C5: variants seen among roughly 807,000 people sequenced by gnomAD.
C5 encodes the protein complement C5.
A neutral mutation model predicts 218.8 loss-of-function variants in C5; 140 were observed. The ratio of observed to expected loss-of-function variants is 0.64; its 90% CI spans 0.56 to 0.74. The LOEUF (loss-of-function observed/expected upper bound fraction) is 0.74, where lower values mean the gene tolerates loss of function less well. C5 is among the 30% of genes least tolerant of loss of function. C5 has a pLI of 0.00. For missense variants in C5, 1,700 were observed against 1,969.6 expected, an observed-to-expected ratio of 0.86 and a Z score of 2.59; for synonymous variants, 614 against 682.3, an observed-to-expected ratio of 0.90 and a Z score of 1.56.
rs1564149190 is a variant in C5 at position 121,008,389 on chromosome 9, C to T, written c.2348+19G>A. 2.5e-6 allele frequency: 4 copies of T among 1,573,896 alleles called. No individual in the cohort carries two copies. Among genetic ancestry groups the T allele is most frequent in the Non-Finnish European group, 3.5e-6 (4 of 1,143,672 alleles). The stretch of plus-strand genomic sequence containing the variant: ...ATTATCCACATTTCTTTCAAGGAAA[C>T]ATGAAAGAAGTATAATACCTTCTGG... On this transcript the variant is annotated intron_variant, in intron 18 of 40. Coordinates refer to ENST00000223642, the MANE Select transcript of C5 (RefSeq NM_001735.3).
chr9:120,963,664 A>C lies in C5; in HGVS notation c.4295T>G (p.Ile1432Ser), dbSNP rs1346059142. Residue 1432 changes from isoleucine (I) to serine (S), a missense_variant, in exon 34 of 41, where the codon ATC becomes AGC. Coordinates refer to ENST00000223642, the MANE Select transcript of C5 (RefSeq NM_001735.3). ...AVMDISLPTG[I>S]SANEEDLKAL... Reference sequence around the variant, plus strand: ...TTTTAAGTCTTCTTCATTTGCACTGATTCCAGTAGGCAAGGAGATGTCCAT... The same window carrying C: ...TTTTAAGTCTTCTTCATTTGCACTGCTTCCAGTAGGCAAGGAGATGTCCAT... 2 of 1,613,748 alleles carry C rather than the reference A, an allele frequency of 1.2e-6. No individual in the cohort carries two copies. The highest frequency in any genetic ancestry group is 3.3e-5 in the Admixed American group (2 of 60,018).
chr9:121,013,743 TGGAC>T, intron 17 of C5, 126 bp downstream of exon 17: 1 of 864,976 alleles, frequency 1.2e-6, no homozygotes, highest in Non-Finnish European at 1.8e-6. Flanking sequence ...TTTTTTCTTA[TGGAC>T]ATTTACAAGT....
In C5 at chr9:120,969,136, A is replaced by G. The variant is rs2046891435; in HGVS notation, c.4163-18T>C. 1.9e-6 allele frequency: 3 copies of G among 1,609,042 alleles called. No homozygotes were observed. Among genetic ancestry groups the G allele is most frequent in the Non-Finnish European group, 2.6e-6 (3 of 1,175,622 alleles). On this transcript the variant is annotated intron_variant, in intron 32 of 40. Coordinates refer to ENST00000223642, the MANE Select transcript of C5 (RefSeq NM_001735.3). ...GTGGGATGCTGGCACATAAGACAAG[A>G]AAACAAACAGACAAATATAAGAGTA...
intron 3 of C5, among the ~76,000 whole-genome samples, chr9:121,039,759 C>T (rs1378117097): frequency 6.6e-6 from 1 of 152,166 alleles, no homozygotes; most frequent in Admixed American, 6.5e-5. Flanking sequence ...TGCCATTCTC[C>T]TGCCTCAGCC....
At chr9:121,073,639 A>G in the C5 span, among the ~76,000 whole-genome samples, 2 of 150,174 alleles carry the variant, frequency 1.3e-5, no homozygotes, top group Non-Finnish European at 3.0e-5. Flanking sequence ...GCAGCCTCTC[A>G]AGCAGCTGGG....
At chr9:120,987,018 C>G (rs2047037764) in intron 25 of C5, among the ~76,000 whole-genome samples, 1 of 152,150 alleles carries the variant, frequency 6.6e-6, no homozygotes, top group Non-Finnish European at 1.5e-5. Context: ...AGGAAGGAAT[C>G]AAAAACCAAC....
Position 120,962,624 on chromosome 9 carries a change from G to C in C5, c.4504+47C>G, listed in dbSNP as rs569109691. The C allele has an allele frequency of 1.7e-4, 229 of 1,367,172 alleles. 1 individual carries two copies. The South Asian group carries it at 2.1e-3, about 12-fold the overall frequency. The allele number at this position is 1,367,172 out of a possible 1,614,324, so 84.7% of individuals were successfully genotyped here. ...AGTGGATTTCTAAATGTTCTGGAAA[G>C]AATACAAAGTATTCTTCTGAAGAAA... On this transcript the variant is annotated intron_variant, in intron 36 of 40. Transcript: ENST00000223642.
At chr9:121,035,001 A>T in intron 4 of C5, 107 bp from the exon 5 acceptor site, 1 of 632,034 alleles carries the variant, frequency 1.6e-6, no homozygotes, top group South Asian at 1.9e-5. Context: ...AAATATTTGA[A>T]GACAAATACC....
chr9:120,961,516 T>C lies in C5; in HGVS notation c.4554A>G (p.Lys1518=), dbSNP rs745670770. The part of the protein sequence containing the change: ...FYSTSNIKIQ[K]VCEGAACKCV... ...ACTTGCACGCGGCTCCTTCACAGAC[T>C]TTCTGAATTTTGATATTGGAAGTGC... is the stretch of plus-strand genomic sequence containing the variant. Residue 1518 remains lysine (K), a synonymous_variant, in exon 37 of 41, where the codon AAA becomes AAG. Coordinates refer to ENST00000223642, the MANE Select transcript of C5 (RefSeq NM_001735.3). The C allele has an allele frequency of 2.5e-6, 4 of 1,613,364 alleles. No homozygotes were observed. The highest frequency in any genetic ancestry group is 2.5e-6 in the Non-Finnish European group (3 of 1,179,322).
intron 38 of C5, among the ~76,000 whole-genome samples, chr9:120,957,655 A>C (rs994850772): frequency 6.6e-6 from 1 of 152,248 alleles, no homozygotes; most frequent in Non-Finnish European, 1.5e-5. Flanking sequence ...AACCTTTGTT[A>C]GATGTTAAGT....
chr9:121,000,565 T>TA (rs1482633137), intron 20 of C5, among the ~76,000 whole-genome samples: 29 of 152,214 alleles, frequency 1.9e-4, no homozygotes, highest in African/African-American at 7.0e-4. Context: ...CCTTAACAAA[T>TA]ACTGCTGGAT....
intron 20 of C5, among the ~76,000 whole-genome samples, chr9:121,004,789 T>G (rs772565429): frequency 6.6e-6 from 1 of 152,094 alleles, no homozygotes; most frequent in Non-Finnish European, 1.5e-5. Context: ...AAAAGGCTTA[T>G]TTGAGCATTT....
At chr9:121,016,881 C>T (rs1272779886) in intron 14 of C5, among the ~76,000 whole-genome samples, 1 of 151,864 alleles carries the variant, frequency 6.6e-6, no homozygotes, top group Non-Finnish European at 1.5e-5. Flanking sequence ...TTTCTCAGTC[C>T]TTCCTTCCTT....
intron 22 of C5, 151 bp from the exon 23 acceptor site, chr9:120,991,431 A>C (rs951090441): frequency 1.1e-5 from 7 of 617,896 alleles, no homozygotes; most frequent in Non-Finnish European, 2.0e-5. Context: ...AAAATCATCA[A>C]GGACTTTAAT....
Position 120,980,270 on chromosome 9 carries a change from G to A in C5, c.3487-16C>T, listed in dbSNP as rs942466350. On this transcript the variant is annotated splice_polypyrimidine_tract_variant and intron_variant, in intron 27 of 40. Coordinates refer to ENST00000223642, the MANE Select transcript of C5 (RefSeq NM_001735.3). The stretch of plus-strand genomic sequence containing the variant: ...TGTCGATTTTCTGGAAACAAGAGAA[G>A]ATACTTCAGTTTCTATGTCAAGCAA... 1.2e-6 allele frequency: 2 copies of A among 1,612,786 alleles called. No individual in the cohort carries two copies. Among genetic ancestry groups the A allele is most frequent in the Non-Finnish European group, 1.7e-6 (2 of 1,178,792 alleles).
intron 17 of C5, among the ~76,000 whole-genome samples, chr9:121,010,198 C>T (rs2131746226): frequency 6.6e-6 from 1 of 152,280 alleles, no homozygotes; most frequent in Non-Finnish European, 1.5e-5. Context: ...TCAAGTTATC[C>T]TTGTATGCAA....
At chr9:121,070,388 T>G in the C5 span, among the ~76,000 whole-genome samples, 2 of 34,090 alleles carry the variant, frequency 5.9e-5, no homozygotes, top group Admixed American at 4.2e-4. Flanking sequence ...AAGGGTGATA[T>G]ATATATATAT....
chr9:120,962,793 A>G lies in C5; in HGVS notation c.4399-17T>C, dbSNP rs1299779294. The G allele has an allele frequency of 3.7e-6, 6 of 1,606,470 alleles. No individual in the cohort carries two copies. The highest frequency in any genetic ancestry group is 2.2e-5 in the South Asian group (2 of 90,922). On this transcript the variant is annotated splice_polypyrimidine_tract_variant and intron_variant, in intron 35 of 40. Coordinates refer to ENST00000223642, the MANE Select transcript of C5 (RefSeq NM_001735.3). ...GGAGGGAATCTGTTTAACAAATTCA[A>G]GGATTTAAGGAAATTATGGAGAGAT...
At chr9:120,969,796 TAAGAGAATTCA>T (rs1007407296) in intron 32 of C5, among the ~76,000 whole-genome samples, 1 of 152,142 alleles carries the variant, frequency 6.6e-6, no homozygotes, top group African/African-American at 2.4e-5. Flanking sequence ...AACAGGGTGA[TAAGAGAATTCA>T]AGGTCCCAGA....
Sources: allele counts gnomAD v4.1 joint callset (sites outside exome capture counted in the v4.1 genomes callset), GRCh38; gene constraint gnomAD v4.1.1; transcripts MANE v1.5; gene names NCBI Gene and HGNC (gene_info 2026-07-23, HGNC 2026-07-21).